APOL5: variants seen among roughly 807,000 people sequenced by gnomAD.
The protein encoded by APOL5 is apolipoprotein L, 5.
Under a neutral mutation model 35.5 loss-of-function variants are expected in APOL5, and 29 were observed. That is an observed-to-expected ratio of 0.82 (90% CI 0.61 to 1.11). The LOEUF (loss-of-function observed/expected upper bound fraction) is 1.11, where lower values mean the gene tolerates loss of function less well. Among genes scored for constraint, APOL5 ranks in the 50% most tolerant of loss-of-function variants. APOL5 has a pLI of 0.00. For synonymous variants in APOL5, 188 were observed against 200.2 expected, an observed-to-expected ratio of 0.94 and a Z score of 0.51; for missense variants, 514 against 530.4, an observed-to-expected ratio of 0.97 and a Z score of 0.30.
rs551718865 is a variant in APOL5, at chr22:35,726,613, T to A, written c.545T>A (p.Ile182Asn). ...TGTGLGAAAAITNIVTNVLEN... is the reference protein window; with the variant it reads ...TGTGLGAAAANTNIVTNVLEN... ...ACAGGGTTGGGGGCAGCAGCTGCCATCACCAACATAGTAACAAATGTCTTA... is the reference window on the plus strand; with the variant it reads ...ACAGGGTTGGGGGCAGCAGCTGCCAACACCAACATAGTAACAAATGTCTTA... Residue 182 changes from isoleucine to asparagine, a missense_variant, in exon 3 of 5, where the codon ATC becomes AAC. Around this residue, in one of 3 missense-constraint regions of APOL5, gnomAD observed 254 missense variants for 254.7 expected, o/e 1.00. Coordinates refer to ENST00000249044, the MANE Select transcript of APOL5 (RefSeq NM_030642.1). 1.2e-6 allele frequency: 2 copies of A among 1,614,178 alleles called. No homozygotes were observed. Among genetic ancestry groups the A allele is most frequent in the South Asian group, 1.1e-5 (1 of 91,078 alleles).
chr22:35,708,433 AAAAAAAG>A, the APOL5 span, among the ~76,000 whole-genome samples: 1 of 152,066 alleles, frequency 6.6e-6, no homozygotes, highest in African/African-American at 2.4e-5. Flanking sequence ...AAAAGAAAAA[AAAAAAAG>A]AAAAAAGAAA....
At chr22:35,709,189 A>C in the APOL5 span, among the ~76,000 whole-genome samples, 101,841 of 152,156 alleles carry the variant, frequency 0.67, 34,586 homozygotes, top group African/African-American at 0.76. Flanking sequence ...TGCAAAACGT[A>C]TGCATATGCA....
intron 2 of APOL5, among the ~76,000 whole-genome samples, chr22:35,721,207 G>A (rs1435038733): frequency 6.6e-6 from 1 of 152,138 alleles, no homozygotes; most frequent in African/African-American, 2.4e-5. Context: ...AAGATAAAAT[G>A]TACACATCCG....
chr22:35,712,644 T>G, the APOL5 span, among the ~76,000 whole-genome samples: 1 of 152,208 alleles, frequency 6.6e-6, no homozygotes, highest in Non-Finnish European at 1.5e-5. Flanking sequence ...ATTGGGGGTT[T>G]TTTGTTATTA....
upstream of APOL5, among the ~76,000 whole-genome samples, chr22:35,717,235 A>ATATATATAT (rs1555930035): frequency 2.5e-3 from 147 of 57,650 alleles, 3 homozygotes; most frequent in Middle Eastern, 0.021. Flanking sequence ...AAAAAAAAAA[A>ATATATATAT]ATATATATAT....
Position 35,728,679 on chromosome 22 carries a change from C to CGT in APOL5, c.1127-44_1127-43insGT, listed in dbSNP as rs1363980549. ...AGCTTCTGAACGTCCAGGGGCAGAT[C>CGT]TCTTTCTTGGAAGTTGTAAGACACA... On this transcript the variant is annotated intron_variant, in intron 3 of 4. Transcript: ENST00000249044. 9 of 1,589,190 alleles carry CGT rather than the reference C, an allele frequency of 5.7e-6. No individual in the cohort carries two copies. In the African/African-American group the frequency reaches 1.1e-4, roughly 19 times the overall value.
In APOL5 at chr22:35,720,634, A is replaced by T. The variant is rs763071253; in HGVS notation, c.122A>T (p.Lys41Met). Residue 41 changes from lysine (K) to methionine (M), a missense_variant, in exon 2 of 5, where the codon AAG becomes ATG. Transcript: ENST00000249044. ...KVIYGGEVWGKSPEPEFPSLV... is the reference protein window; with the variant it reads ...KVIYGGEVWGMSPEPEFPSLV... Reference sequence around the variant, plus strand: ...ATCTACGGAGGTGAGGTCTGGGGGAAGTCCCCAGAACCTGAGTTCCGTGAG... The same window carrying T: ...ATCTACGGAGGTGAGGTCTGGGGGATGTCCCCAGAACCTGAGTTCCGTGAG... 123 of 1,613,580 alleles carry T rather than the reference A, an allele frequency of 7.6e-5. No individual in the cohort carries two copies. Among genetic ancestry groups the T allele is most frequent in the Non-Finnish European group, 9.9e-5 (117 of 1,179,704 alleles).
chr22:35,728,717 C>T lies in APOL5; in HGVS notation c.1127-6C>T. On this transcript the variant is annotated splice_polypyrimidine_tract_variant and splice_region_variant and intron_variant, in intron 3 of 4. Coordinates refer to ENST00000249044, the MANE Select transcript of APOL5 (RefSeq NM_030642.1). Reference sequence around the variant, plus strand: ...GTTGTAAGACACAGGGACTCATGTTCCACAGGGTCTCGCTCACCTCTCCCC... The same window carrying T: ...GTTGTAAGACACAGGGACTCATGTTTCACAGGGTCTCGCTCACCTCTCCCC... 6.2e-7 allele frequency: 1 copy of T among 1,610,410 alleles called. No homozygotes were observed. The highest frequency in any genetic ancestry group is 8.5e-7 in the Non-Finnish European group (1 of 1,178,588).
At chr22:35,710,520 T>C in the APOL5 span, among the ~76,000 whole-genome samples, 1 of 151,972 alleles carries the variant, frequency 6.6e-6, no homozygotes, top group Non-Finnish European at 1.5e-5. Flanking sequence ...CATATATATA[T>C]ATTCGTTTTA....
chr22:35,720,029 C>A (rs1601895345), intron 1 of APOL5, among the ~76,000 whole-genome samples: 1 of 152,158 alleles, frequency 6.6e-6, no homozygotes, highest in Non-Finnish European at 1.5e-5. Flanking sequence ...GACCTGTCAG[C>A]ATCCGCCGGT....
At position 35,726,834 on chromosome 22, in the gene APOL5, A is replaced by G. The variant is rs1437311464; in HGVS notation, c.766A>G (p.Met256Val). ...GATGGCCAAATCCAACTCTGGCTTCATGGCTATGGTCAAGAATTTTGTGGC... is the reference window on the plus strand; with the variant it reads ...GATGGCCAAATCCAACTCTGGCTTCGTGGCTATGGTCAAGAATTTTGTGGC... Reference protein sequence around the residue: ...YQMAKSNSGFMAMVKNFVAKR... With the variant: ...YQMAKSNSGFVAMVKNFVAKR... Residue 256 changes from methionine (M) to valine (V), a missense_variant, in exon 3 of 5, where the codon ATG becomes GTG. Transcript: ENST00000249044. The G allele has an allele frequency of 6.2e-7, 1 of 1,614,214 alleles. No homozygotes were observed. Among genetic ancestry groups the G allele is most frequent in the East Asian group, 2.2e-5 (1 of 44,888 alleles).
intron 1 of APOL5, 109 bp from the exon 2 acceptor site, chr22:35,720,459 T>G: frequency 1.2e-6 from 1 of 810,378 alleles, no homozygotes; most frequent in Non-Finnish European, 2.0e-6. Context: ...TTTTTTTTTC[T>G]AATTCTCCAA....
intron 2 of APOL5, among the ~76,000 whole-genome samples, chr22:35,721,613 A>C (rs971183716): frequency 6.6e-6 from 1 of 152,124 alleles, no homozygotes; most frequent in Non-Finnish European, 1.5e-5. Context: ...CACATGGCTT[A>C]GAGGGCAATG....
rs1167613514 is a variant in APOL5 at position 35,727,132 on chromosome 22, G to A, written c.1064G>A (p.Ser355Asn). The A allele has an allele frequency of 8.1e-6, 13 of 1,610,044 alleles. No individual in the cohort carries two copies. Among genetic ancestry groups the A allele is most frequent in the Admixed American group, 1.7e-5 (1 of 60,014 alleles). The change falls in exon 3 of 5, where the codon AGC becomes AAC. Residue 355 changes from serine to asparagine, a missense_variant. Transcript: ENST00000249044. ...QHHRHLPQKA[S>N]QTCSSSRGRA... ...CACCGGCACCTGCCGCAGAAGGCGA[G>A]CCAGACCTGTTCCAGCTCCCGGGGC...
chr22:35,722,029 CT>C (rs1376221238), intron 2 of APOL5, among the ~76,000 whole-genome samples: 2 of 152,216 alleles, frequency 1.3e-5, no homozygotes, highest in Non-Finnish European at 2.9e-5. Context: ...CCTCCCTCTA[CT>C]GTTCTCTCTC....
At chr22:35,725,934 G>T (rs1354236545) in intron 2 of APOL5, among the ~76,000 whole-genome samples, 1 of 152,154 alleles carries the variant, frequency 6.6e-6, no homozygotes, top group African/African-American at 2.4e-5. Flanking sequence ...GCAAGAAGGG[G>T]GTTTGTTTCT....
At position 35,726,439 on chromosome 22, in the gene APOL5, C is replaced by T. The variant is rs752504367; in HGVS notation, c.371C>T (p.Ala124Val). The T allele has an allele frequency of 3.8e-5, 61 of 1,614,034 alleles. No homozygotes were observed. The East Asian group carries it at 7.6e-4, about 20-fold the overall frequency. ...EQNIKELNTL[A>V]DQVDTTHELL... is the part of the protein sequence containing the mutation. ...AACATCAAAGAACTTAACACCCTTG[C>T]GGACCAAGTTGACACCACTCACGAG... The change falls in exon 3 of 5, where the codon GCG becomes GTG. Residue 124 changes from alanine to valine, a missense_variant. This residue lies in a region of APOL5 where 254 missense variants were observed against 254.7 expected (regional missense o/e 1.00). Coordinates refer to ENST00000249044, the MANE Select transcript of APOL5 (RefSeq NM_030642.1).
At position 35,726,504 on chromosome 22, in the gene APOL5, G is replaced by T; in HGVS notation, c.436G>T (p.Ala146Ser). The T allele has an allele frequency of 6.2e-7, 1 of 1,614,176 alleles. No homozygotes were observed. Among genetic ancestry groups the T allele is most frequent in the Non-Finnish European group, 8.5e-7 (1 of 1,180,042 alleles). The change falls in exon 3 of 5, where the codon GCT (alanine) becomes TCT (serine). Residue 146 changes from alanine (A) to serine (S), a missense_variant. Around this residue, in one of 3 missense-constraint regions of APOL5, gnomAD observed 254 missense variants for 254.7 expected, o/e 1.00. Coordinates refer to ENST00000249044, the MANE Select transcript of APOL5 (RefSeq NM_030642.1). Reference protein sequence around the residue: ...KTSLVASSSGAVSGVMNILGL... With the variant: ...KTSLVASSSGSVSGVMNILGL... Reference sequence around the variant, plus strand: ...CAGCCTGGTGGCCAGCTCTTCCGGGGCTGTTTCTGGGGTCATGAACATCCT... The same window carrying T: ...CAGCCTGGTGGCCAGCTCTTCCGGGTCTGTTTCTGGGGTCATGAACATCCT...
intron 3 of APOL5, 121 bp from the exon 4 acceptor site, chr22:35,728,602 G>T (rs1029805269): frequency 2.7e-6 from 3 of 1,128,896 alleles, no homozygotes; most frequent in South Asian, 3.2e-5. Flanking sequence ...GGGCGGGAGG[G>T]GTTTTCTTCT....
Sources: allele counts gnomAD v4.1 joint callset (sites outside exome capture counted in the v4.1 genomes callset), GRCh38; gene constraint gnomAD v4.1.1; regional missense constraint gnomAD v4.1.1; transcripts MANE v1.5; gene names NCBI Gene and HGNC (gene_info 2026-07-23, HGNC 2026-07-21).